Variants in SRD5A2 observed in about 807,000 individuals in gnomAD.
The protein encoded by SRD5A2 is steroid 5 alpha-reductase 2.
Under a neutral mutation model 27.4 loss-of-function variants are expected in SRD5A2, and 30 were observed. That is an observed-to-expected ratio of 1.10 (90% CI 0.82 to 1.49). SRD5A2 has a LOEUF of 1.49. SRD5A2 is among the 40% of genes most tolerant of loss of function. SRD5A2 has a pLI of 0.00. For synonymous variants in SRD5A2, 141 were observed against 133.6 expected, an observed-to-expected ratio of 1.06 and a Z score of -0.38; for missense variants, 348 against 323.4, an observed-to-expected ratio of 1.08 and a Z score of -0.58.
intron 1 of SRD5A2, among the ~76,000 whole-genome samples, chr2:31,550,951 T>C (rs1666370753): frequency 6.6e-6 from 1 of 152,044 alleles, no homozygotes; most frequent in Non-Finnish European, 1.5e-5. Flanking sequence ...CACATGATTA[T>C]CTATGTGGGA....
intron 1 of SRD5A2, among the ~76,000 whole-genome samples, chr2:31,550,993 C>A (rs1375997533): frequency 6.6e-6 from 1 of 151,944 alleles, no homozygotes; most frequent in Admixed American, 6.6e-5. Context: ...AAAAACCCCT[C>A]ACTTCTAATA....
the SRD5A2 span, among the ~76,000 whole-genome samples, chr2:31,654,451 A>T: frequency 6.6e-6 from 1 of 152,160 alleles, no homozygotes; most frequent in Admixed American, 6.6e-5. Context: ...GGAAGCTATC[A>T]GCTGGTGCGT....
the SRD5A2 span, among the ~76,000 whole-genome samples, chr2:31,619,520 T>C: frequency 6.6e-6 from 1 of 152,208 alleles, no homozygotes; most frequent in South Asian, 2.1e-4. Flanking sequence ...TGCCACACTG[T>C]CTTCAACAAT....
intron 1 of SRD5A2, among the ~76,000 whole-genome samples, chr2:31,549,911 T>C (rs1282159256): frequency 1.3e-5 from 2 of 152,292 alleles, no homozygotes; most frequent in Admixed American, 6.5e-5. Context: ...AACATTTCTA[T>C]TACACAGCAT....
In SRD5A2 at chr2:31,570,264, A is replaced by G. The variant is rs190442954; in HGVS notation, c.281+10356T>C. Among the ~76,000 whole-genome samples the G allele has an allele frequency of 5.2e-3, 790 of 152,344 alleles. 5 individuals carry two copies. Among genetic ancestry groups the G allele is most frequent in the South Asian group, 8.7e-3 (42 of 4,832 alleles). On this transcript the variant is annotated intron_variant, in intron 1 of 4. Transcript: ENST00000622030. Reference sequence around the variant, plus strand: ...AATGTGATTTACATAAGCAGAACTAAAAACAAAAACTACATGATTATCTTA... The same window carrying G: ...AATGTGATTTACATAAGCAGAACTAGAAACAAAAACTACATGATTATCTTA...
chr2:31,635,782 C>T, the SRD5A2 span, among the ~76,000 whole-genome samples: 6 of 150,248 alleles, frequency 4.0e-5, no homozygotes, highest in East Asian at 2.0e-4. Context: ...ATGTAATTTT[C>T]GTAACACAAT....
the SRD5A2 span, among the ~76,000 whole-genome samples, chr2:31,660,318 A>G: frequency 6.6e-6 from 1 of 152,172 alleles, no homozygotes; most frequent in Admixed American, 6.6e-5. Flanking sequence ...AATGCACTCT[A>G]TAACAACCCT....
At chr2:31,630,572 C>A in the SRD5A2 span, among the ~76,000 whole-genome samples, 2 of 152,154 alleles carry the variant, frequency 1.3e-5, no homozygotes, top group Non-Finnish European at 2.9e-5. Context: ...AACCCAGGAA[C>A]CCACGGATGG....
chr2:31,586,484 T>C, the SRD5A2 span, among the ~76,000 whole-genome samples: 2 of 150,846 alleles, frequency 1.3e-5, no homozygotes, highest in Admixed American at 6.6e-5. Context: ...CTGAGCACAG[T>C]CATAGTGGTG....
At chr2:31,589,301 C>T in the SRD5A2 span, among the ~76,000 whole-genome samples, 1 of 152,230 alleles carries the variant, frequency 6.6e-6, no homozygotes, top group Non-Finnish European at 1.5e-5. Context: ...ACCACCTCAT[C>T]CAGTGGAGCT....
chr2:31,581,284 G>A (rs1030030006), upstream of SRD5A2, among the ~76,000 whole-genome samples: 3 of 152,042 alleles, frequency 2.0e-5, no homozygotes, highest in Admixed American at 6.5e-5. Flanking sequence ...TGGTTCTTCC[G>A]CCCCAACACA....
chr2:31,555,140 CA>C (rs1487107867), intron 1 of SRD5A2, among the ~76,000 whole-genome samples: 4 of 147,836 alleles, frequency 2.7e-5, no homozygotes, highest in African/African-American at 1.0e-4. Context: ...AAATTGTGAC[CA>C]ACACACACAA....
upstream of SRD5A2, among the ~76,000 whole-genome samples, chr2:31,581,824 G>GGT (rs1358379176): frequency 6.6e-6 from 1 of 152,054 alleles, no homozygotes; most frequent in Non-Finnish European, 1.5e-5. Flanking sequence ...GTGGCCTGGC[G>GGT]ACCCCGCTGT....
chr2:31,608,723 G>C, the SRD5A2 span, among the ~76,000 whole-genome samples: 1 of 151,938 alleles, frequency 6.6e-6, no homozygotes, highest in East Asian at 1.9e-4. Flanking sequence ...AGGAGTGCAA[G>C]ACTTGTACAC....
intron 4 of SRD5A2, 65 bp downstream of exon 4, chr2:31,529,242 G>A: frequency 6.3e-7 from 1 of 1,595,040 alleles, no homozygotes; most frequent in Non-Finnish European, 8.5e-7. Context: ...TCCTCTGCGG[G>A]TTAAAAGCCT....
the SRD5A2 span, among the ~76,000 whole-genome samples, chr2:31,591,420 T>G: frequency 0.017 from 2,599 of 152,140 alleles, 72 homozygotes; most frequent in African/African-American, 0.059. Context: ...TGGCGATCAT[T>G]AAAAAGTCAG....
chr2:31,631,743 GT>G, the SRD5A2 span, among the ~76,000 whole-genome samples: 1 of 152,170 alleles, frequency 6.6e-6, no homozygotes, highest in Non-Finnish European at 1.5e-5. Flanking sequence ...CAGCCAGAGA[GT>G]TTGGCGATCT....
the SRD5A2 span, among the ~76,000 whole-genome samples, chr2:31,643,482 A>AT: frequency 1.5e-4 from 22 of 151,194 alleles, no homozygotes; most frequent in East Asian, 3.1e-3. Context: ...ATATCTGTGT[A>AT]TTTTTTTTTA....
the SRD5A2 span, among the ~76,000 whole-genome samples, chr2:31,654,606 G>C: frequency 6.6e-6 from 1 of 151,902 alleles, no homozygotes; most frequent in Non-Finnish European, 1.5e-5. Flanking sequence ...GGCAATCTTG[G>C]ATTCTAAAAT....
Sources: allele counts gnomAD v4.1 joint callset (sites outside exome capture counted in the v4.1 genomes callset), GRCh38; gene constraint gnomAD v4.1.1; transcripts MANE v1.5; gene names NCBI Gene and HGNC (gene_info 2026-07-23, HGNC 2026-07-21).